LYPLAL1: variants seen among roughly 807,000 people sequenced by gnomAD.
LYPLAL1 encodes the protein lysophospholipase like 1.
A neutral mutation model predicts 19.7 loss-of-function variants in LYPLAL1; 23 were observed. The ratio of observed to expected loss-of-function variants is 1.17; its 90% confidence interval spans 0.84 to 1.65. The LOEUF (loss-of-function observed/expected upper bound fraction) is 1.65, where lower values mean the gene tolerates loss of function less well. LYPLAL1 is among the 40% of genes most tolerant of loss of function. The pLI is 0.00. For synonymous variants in LYPLAL1, 119 were observed against 96.3 expected (o/e 1.24, Z -1.38); for missense variants, 355 against 279.4 (o/e 1.27, Z -1.93).
At chr1:219,396,102 CAA>C in the LYPLAL1 span, among the ~76,000 whole-genome samples, 50,033 of 118,864 alleles carry the variant, frequency 0.42, 9,025 homozygotes, top group Admixed American at 0.52. Context: ...GACTCCATCT[CAA>C]AAAAAAAAAA....
At chr1:219,367,078 C>G in the LYPLAL1 span, among the ~76,000 whole-genome samples, 1 of 151,994 alleles carries the variant, frequency 6.6e-6, no homozygotes, top group Non-Finnish European at 1.5e-5. Flanking sequence ...CTTGCAGCAG[C>G]AGCATTTACC....
chr1:219,310,786 A>G, the LYPLAL1 span, among the ~76,000 whole-genome samples: 3 of 152,364 alleles, frequency 2.0e-5, no homozygotes, highest in Admixed American at 6.5e-5. Context: ...AAACTGGTTA[A>G]GAAAATGGAT....
the LYPLAL1 span, among the ~76,000 whole-genome samples, chr1:219,255,968 C>T: frequency 1.3e-5 from 2 of 151,496 alleles, no homozygotes; most frequent in African/African-American, 4.8e-5. Context: ...ACTAGATTAG[C>T]TTGGTTAATA....
chr1:219,365,472 A>C, the LYPLAL1 span, among the ~76,000 whole-genome samples: 13,761 of 152,178 alleles, frequency 0.09, 630 homozygotes, highest in Middle Eastern at 0.11. Context: ...AAGGCTTCAA[A>C]CAAAAGGAAA....
the LYPLAL1 span, among the ~76,000 whole-genome samples, chr1:219,319,095 A>T: frequency 6.6e-6 from 1 of 152,186 alleles, no homozygotes; most frequent in African/African-American, 2.4e-5. Context: ...TGCAATGCAT[A>T]AACTAAACAG....
chr1:219,427,485 A>G, the LYPLAL1 span, among the ~76,000 whole-genome samples: 1 of 152,188 alleles, frequency 6.6e-6, no homozygotes, highest in South Asian at 2.1e-4. Flanking sequence ...CTTAAATGTA[A>G]AATGTACTAT....
At chr1:219,328,186 A>T in the LYPLAL1 span, among the ~76,000 whole-genome samples, 2 of 152,146 alleles carry the variant, frequency 1.3e-5, no homozygotes, top group African/African-American at 4.8e-5. Context: ...CTTCTTTCTT[A>T]CATGAAAACT....
At chr1:219,266,743 G>T in the LYPLAL1 span, among the ~76,000 whole-genome samples, 2 of 152,096 alleles carry the variant, frequency 1.3e-5, no homozygotes, top group African/African-American at 4.8e-5. Context: ...GTCACTTAAG[G>T]ATAGGGCTTG....
At chr1:219,442,409 GA>G in the LYPLAL1 span, among the ~76,000 whole-genome samples, 1 of 152,104 alleles carries the variant, frequency 6.6e-6, no homozygotes, top group Admixed American at 6.6e-5. Flanking sequence ...TTATCATTTG[GA>G]AACACACATC....
chr1:219,291,908 A>T, the LYPLAL1 span, among the ~76,000 whole-genome samples: 1 of 152,118 alleles, frequency 6.6e-6, no homozygotes, highest in African/African-American at 2.4e-5. Context: ...AGAAAGAAAG[A>T]AAAGAAAAAC....
the LYPLAL1 span, among the ~76,000 whole-genome samples, chr1:219,289,426 T>C: frequency 6.6e-6 from 1 of 152,288 alleles, no homozygotes; most frequent in East Asian, 1.9e-4. Flanking sequence ...TTAGGTACTA[T>C]GGGAAGAGAA....
At chr1:219,296,865 G>A in the LYPLAL1 span, among the ~76,000 whole-genome samples, 1 of 152,086 alleles carries the variant, frequency 6.6e-6, no homozygotes, top group East Asian at 1.9e-4. Context: ...ACCCCTCTAA[G>A]CAACTAAAGT....
At chr1:219,283,815 G>A in the LYPLAL1 span, among the ~76,000 whole-genome samples, 1 of 152,264 alleles carries the variant, frequency 6.6e-6, no homozygotes, top group South Asian at 2.1e-4. Flanking sequence ...TCAAGGCCTT[G>A]TACAGATCAG....
chr1:219,361,231 A>G, the LYPLAL1 span, among the ~76,000 whole-genome samples: 2 of 152,184 alleles, frequency 1.3e-5, no homozygotes, highest in Admixed American at 1.3e-4. Flanking sequence ...CTGGTGGGCT[A>G]TGTATGCCCT....
At chr1:219,409,339 C>T in the LYPLAL1 span, among the ~76,000 whole-genome samples, 1 of 151,968 alleles carries the variant, frequency 6.6e-6, no homozygotes, top group African/African-American at 2.4e-5. Flanking sequence ...GTCCCAGTTA[C>T]TCTGGAGGCT....
chr1:219,382,563 C>T, the LYPLAL1 span, among the ~76,000 whole-genome samples: 3 of 152,040 alleles, frequency 2.0e-5, no homozygotes, highest in Admixed American at 6.5e-5. Context: ...AGGGTTTCAC[C>T]GTGTTAGCCA....
the LYPLAL1 span, among the ~76,000 whole-genome samples, chr1:219,266,161 G>C: frequency 6.6e-6 from 1 of 151,362 alleles, no homozygotes; most frequent in Non-Finnish European, 1.5e-5. Flanking sequence ...TTAAATTTTT[G>C]ACTCTTTTGT....
chr1:219,427,608 G>C, the LYPLAL1 span, among the ~76,000 whole-genome samples: 1 of 152,170 alleles, frequency 6.6e-6, no homozygotes, highest in African/African-American at 2.4e-5. Flanking sequence ...TTGTCATTGT[G>C]AAACTGCCAG....
the LYPLAL1 span, among the ~76,000 whole-genome samples, chr1:219,388,041 T>C: frequency 6.6e-6 from 1 of 152,216 alleles, no homozygotes; most frequent in Non-Finnish European, 1.5e-5. Flanking sequence ...GTTATTATTA[T>C]GTCCACAGCA....
Sources: gnomAD v4.1 joint callset for allele counts (sites outside exome capture counted in the v4.1 genomes callset) on GRCh38, gnomAD v4.1.1 for gene constraint, MANE v1.5 for transcripts, NCBI Gene and HGNC (gene_info 2026-07-23, HGNC 2026-07-21) for gene names.